Variants in NLGN4X observed in about 807,000 individuals in gnomAD.
The protein encoded by NLGN4X is neuroligin-4, X-linked.
Under a neutral mutation model 40.3 loss-of-function variants are expected in NLGN4X, and 3 were observed. That is an observed-to-expected ratio of 0.07 (90% confidence interval 0.03 to 0.19). The LOEUF is 0.19. Ranked by LOEUF, NLGN4X falls within the 10% of genes least tolerant of loss-of-function variation. NLGN4X has a pLI of 1.00. For synonymous variants in NLGN4X, 270 were observed against 306.8 expected (o/e 0.88, Z 1.25); for missense variants, 382 against 708.3 (o/e 0.54, Z 5.23).
chrX:6,039,641 C>T lies in NLGN4X; in HGVS notation c.473-10209G>A, dbSNP rs778278630. ...CCTGGCCCTTACCCTGTTGCCAACACTTGACATTATCAGACAATACATTTG... is the reference window on the plus strand; with the variant it reads ...CCTGGCCCTTACCCTGTTGCCAACATTTGACATTATCAGACAATACATTTG... On this transcript the variant is annotated intron_variant, in intron 2 of 5. Transcript: ENST00000381095. Among the ~76,000 whole-genome samples, 4 of 112,427 alleles carry T rather than the reference C, an allele frequency of 3.6e-5. No individual in the cohort carries two copies. The East Asian group carries it at 1.1e-3, about 32-fold the overall frequency.
At chrX:6,031,875 T>C (rs2036867140) in intron 2 of NLGN4X, among the ~76,000 whole-genome samples, 1 of 110,742 alleles carries the variant, frequency 9.0e-6, no homozygotes, top group Non-Finnish European at 1.9e-5. Context: ...CTACCATCTT[T>C]TAAAAAAAAA....
At chrX:6,147,175 T>G (rs746038673) in intron 2 of NLGN4X, among the ~76,000 whole-genome samples, 50 of 111,751 alleles carry the variant, frequency 4.5e-4, no homozygotes, top group African/African-American at 1.4e-3. Context: ...TTCTCGCCCC[T>G]GAAATCTTTC....
chrX:5,973,572 C>T (rs2035087641), intron 3 of NLGN4X, among the ~76,000 whole-genome samples: 1 of 111,863 alleles, frequency 8.9e-6, no homozygotes, highest in Admixed American at 9.5e-5. Context: ...CCTGTAATCC[C>T]AGCACTTTGG....
At chrX:5,950,800 T>G (rs2034284533) in intron 3 of NLGN4X, among the ~76,000 whole-genome samples, 1 of 111,686 alleles carries the variant, frequency 9.0e-6, no homozygotes, top group Non-Finnish European at 1.9e-5. Context: ...ACCTTGAAAC[T>G]CCTTACCACA....
intron 1 of NLGN4X, among the ~76,000 whole-genome samples, chrX:6,177,533 G>C (rs1000283557): frequency 2.7e-5 from 3 of 111,834 alleles, no homozygotes; most frequent in African/African-American, 9.8e-5. Flanking sequence ...CCTCTATCAA[G>C]ATGGTCAAGA....
At chrX:6,198,547 TC>T (rs1261909757) in intron 1 of NLGN4X, among the ~76,000 whole-genome samples, 2 of 111,818 alleles carry the variant, frequency 1.8e-5, no homozygotes, top group African/African-American at 6.5e-5. Context: ...CGCCACCTGA[TC>T]CCTCTCCTCA....
chrX:6,198,015 A>G (rs1242856556), intron 1 of NLGN4X, among the ~76,000 whole-genome samples: 1 of 109,271 alleles, frequency 9.2e-6, no homozygotes, highest in Admixed American at 9.8e-5. Context: ...AGTGAGCTGT[A>G]GTTACGCCAC....
intron 1 of NLGN4X, among the ~76,000 whole-genome samples, chrX:6,188,214 T>C (rs1922247227): frequency 8.9e-6 from 1 of 112,326 alleles, no homozygotes; most frequent in Non-Finnish European, 1.9e-5. Flanking sequence ...GTCCATCAAG[T>C]ACTAATTTTA....
rs1249126359 is a variant in NLGN4X at position 5,890,461 on chromosome X, C to T, written c.*2356G>A. On this transcript the variant is annotated 3_prime_UTR_variant, in exon 6 of 6. Coordinates refer to ENST00000381095, the MANE Select transcript of NLGN4X (RefSeq NM_181332.3). Reference sequence around the variant, plus strand: ...CCTTATTCAAATGTCACAAGCCTGACGCGTTACTGTACATATTGCTAGCAG... The same window carrying T: ...CCTTATTCAAATGTCACAAGCCTGATGCGTTACTGTACATATTGCTAGCAG... 4 of 262,622 alleles carry T rather than the reference C, an allele frequency of 1.5e-5. No individual in the cohort carries two copies. The highest frequency in any genetic ancestry group is 2.2e-4 in the East Asian group (2 of 9,082). 21.6% of individuals were successfully genotyped at this position (262,622 alleles called of 1,213,427 possible).
chrX:6,126,987 G>T (rs969702534), intron 2 of NLGN4X, among the ~76,000 whole-genome samples: 4 of 56,987 alleles, frequency 7.0e-5, no homozygotes, highest in Non-Finnish European at 1.3e-4. Context: ...CTATTTTGTG[G>T]GGGGAGGAGT....
chrX:6,055,891 T>A (rs945486358), intron 2 of NLGN4X, among the ~76,000 whole-genome samples: 5 of 111,818 alleles, frequency 4.5e-5, no homozygotes, highest in Non-Finnish European at 7.5e-5. Context: ...TTTAATTCAT[T>A]GTCTGCCATG....
intron 2 of NLGN4X, among the ~76,000 whole-genome samples, chrX:6,046,362 G>A (rs996346627): frequency 2.0e-4 from 22 of 111,345 alleles, no homozygotes; most frequent in Non-Finnish European, 1.7e-4. Context: ...GATAATTATA[G>A]CTGGAACAAA....
At chrX:6,047,125 A>G (rs2037346686) in intron 2 of NLGN4X, among the ~76,000 whole-genome samples, 1 of 110,998 alleles carries the variant, frequency 9.0e-6, no homozygotes, top group Non-Finnish European at 1.9e-5. Flanking sequence ...CATAAATCAG[A>G]AAAGAAAGAT....
chrX:6,165,757 A>G (rs1194426361), intron 1 of NLGN4X, among the ~76,000 whole-genome samples: 2 of 111,515 alleles, frequency 1.8e-5, no homozygotes, highest in East Asian at 5.6e-4. Context: ...CCTCTACACA[A>G]TTCTAAATGC....
intron 3 of NLGN4X, among the ~76,000 whole-genome samples, chrX:5,928,310 G>A (rs1423923059): frequency 8.9e-6 from 1 of 111,890 alleles, no homozygotes; most frequent in African/African-American, 3.2e-5. Context: ...ATAGTCTTTT[G>A]AACTCTGTGT....
intron 1 of NLGN4X, among the ~76,000 whole-genome samples, chrX:6,214,838 G>A (rs1376494979): frequency 8.9e-6 from 1 of 112,241 alleles, no homozygotes. Flanking sequence ...CAATGCTTGA[G>A]ACACAGCAAG....
intron 3 of NLGN4X, among the ~76,000 whole-genome samples, chrX:5,996,189 T>C (rs2035812174): frequency 1.8e-5 from 2 of 112,028 alleles, no homozygotes; most frequent in Admixed American, 1.9e-4. Flanking sequence ...CCTCCCCTGA[T>C]GAAAAGAAGA....
intron 1 of NLGN4X, among the ~76,000 whole-genome samples, chrX:6,157,866 G>A (rs779697954): frequency 6.3e-5 from 7 of 111,212 alleles, no homozygotes; most frequent in Non-Finnish European, 7.5e-5. Context: ...GAAGTATCCC[G>A]TAAAGATCAC....
intron 2 of NLGN4X, among the ~76,000 whole-genome samples, chrX:6,093,825 G>C (rs1441199906): frequency 9.0e-6 from 1 of 111,445 alleles, no homozygotes; most frequent in Non-Finnish European, 1.9e-5. Context: ...ATATTACATA[G>C]TAAAATATTT....
Sources: gnomAD v4.1 joint callset for allele counts (sites outside exome capture counted in the v4.1 genomes callset) on GRCh38, gnomAD v4.1.1 for gene constraint, MANE v1.5 for transcripts, NCBI Gene and HGNC (gene_info 2026-07-23, HGNC 2026-07-21) for gene names.